Variants in PIP5K1A observed in about 807,000 individuals in gnomAD.
The protein encoded by PIP5K1A is phosphatidylinositol 4-phosphate 5-kinase type-1 alpha.
A neutral mutation model predicts 72.9 loss-of-function variants in PIP5K1A; 46 were observed. The ratio of observed to expected loss-of-function variants is 0.63; its 90% CI spans 0.50 to 0.81. The LOEUF is 0.81. Among genes scored for constraint, PIP5K1A ranks in the 30% least tolerant of loss-of-function variants. The pLI is 0.00. For missense variants in PIP5K1A, 458 were observed against 706.1 expected, an observed-to-expected ratio of 0.65 and a Z score of 3.98; for synonymous variants, 228 against 255.1, an observed-to-expected ratio of 0.89 and a Z score of 1.01.
At chr1:151,234,984 C>G (rs1344932908) in intron 8 of PIP5K1A, among the ~76,000 whole-genome samples, 1 of 152,232 alleles carries the variant, frequency 6.6e-6, no homozygotes, top group African/African-American at 2.4e-5. Flanking sequence ...ACTCTCATCT[C>G]CCTAGCTTTG....
intron 8 of PIP5K1A, among the ~76,000 whole-genome samples, chr1:151,236,058 T>C (rs1570965984): frequency 6.7e-6 from 1 of 148,520 alleles, no homozygotes; most frequent in African/African-American, 2.5e-5. Context: ...GAGTTGGAGG[T>C]TGCAGTGAGC....
At chr1:151,246,350 T>C (rs910892617) in intron 14 of PIP5K1A, among the ~76,000 whole-genome samples, 1 of 152,158 alleles carries the variant, frequency 6.6e-6, no homozygotes, top group Non-Finnish European at 1.5e-5. Flanking sequence ...CAAAAGCTTA[T>C]CTGAGGGAAG....
chr1:151,236,438 T>G (rs1355688114), intron 8 of PIP5K1A, 120 bp from the exon 9 acceptor site: 5 of 656,380 alleles, frequency 7.6e-6, no homozygotes, highest in Non-Finnish European at 1.3e-5. Flanking sequence ...ATCACACCAC[T>G]GCACTCTAGC....
rs968720724 is a variant in PIP5K1A, at chr1:151,249,195, C to T, written c.*1330C>T. On this transcript the variant is annotated 3_prime_UTR_variant, in exon 16 of 16. Coordinates refer to ENST00000368888, the MANE Select transcript of PIP5K1A (RefSeq NM_001135638.2). ...CACCCTGCCTTGATAATATGTTAGC[C>T]CATACCCCAAATAACTGTCTATATT... The T allele has an allele frequency of 6.6e-6, 1 of 152,076 alleles. No homozygotes were observed. The highest frequency in any genetic ancestry group is 1.5e-5 in the Non-Finnish European group (1 of 68,020). The allele number at this position is 152,076 out of a possible 1,614,324, so 9.4% of individuals were successfully genotyped here. A position where few individuals can be genotyped will look rare whatever the true frequency, so the allele number is the denominator to read the frequency against.
intron 1 of PIP5K1A, among the ~76,000 whole-genome samples, chr1:151,210,394 C>T (rs1459375595): frequency 6.6e-6 from 1 of 151,016 alleles, no homozygotes; most frequent in Non-Finnish European, 1.5e-5. Flanking sequence ...CATCATATTG[C>T]TCAGTCGATC....
chr1:151,247,513 C>T lies in PIP5K1A; in HGVS notation c.1687-350C>T, dbSNP rs186975796. Among the ~76,000 whole-genome samples the T allele has an allele frequency of 1.3e-5, 2 of 152,268 alleles. 1 individual carries two copies. The highest frequency in any genetic ancestry group is 1.3e-4 in the Admixed American group (2 of 15,280). ...CGATCTCGGCTCACTGCAAGCTACGCCTCCCAGGTTCACGCCATTCTGCTG... is the reference window on the plus strand; with the variant it reads ...CGATCTCGGCTCACTGCAAGCTACGTCTCCCAGGTTCACGCCATTCTGCTG... On this transcript the variant is annotated intron_variant, in intron 15 of 15. Transcript: ENST00000368888.
At chr1:151,222,656 C>T (rs954821881) in intron 1 of PIP5K1A, among the ~76,000 whole-genome samples, 1 of 152,062 alleles carries the variant, frequency 6.6e-6, no homozygotes, top group African/African-American at 2.4e-5. Context: ...ACCGTTTCCT[C>T]TGGGTAAAAG....
chr1:151,221,884 C>A (rs948974061), intron 1 of PIP5K1A, among the ~76,000 whole-genome samples: 1 of 152,034 alleles, frequency 6.6e-6, no homozygotes, highest in Non-Finnish European at 1.5e-5. Context: ...CCAGCCTGGG[C>A]AACATAGTGA....
intron 1 of PIP5K1A, among the ~76,000 whole-genome samples, chr1:151,206,415 C>T (rs896194894): frequency 1.3e-5 from 2 of 152,094 alleles, no homozygotes; most frequent in African/African-American, 4.8e-5. Context: ...CCAGAATAAG[C>T]TGTCCAAAAA....
chr1:151,220,506 C>T (rs587719081), intron 1 of PIP5K1A, among the ~76,000 whole-genome samples: 10 of 150,100 alleles, frequency 6.7e-5, no homozygotes, highest in South Asian at 4.2e-4. Flanking sequence ...TTCACTCTTT[C>T]GCCCAGGCAG....
intron 14 of PIP5K1A, among the ~76,000 whole-genome samples, chr1:151,242,926 C>T (rs190332704): frequency 2.6e-5 from 4 of 152,294 alleles, no homozygotes; most frequent in African/African-American, 9.6e-5. Context: ...TGGGGGCTTC[C>T]CTCAGTTCTT....
rs34209583 is a variant in PIP5K1A, at chr1:151,204,905, C to T, written c.85+5824C>T. On this transcript the variant is annotated intron_variant, in intron 1 of 15. Coordinates refer to ENST00000368888, the MANE Select transcript of PIP5K1A (RefSeq NM_001135638.2). Reference sequence around the variant, plus strand: ...TTGATAATGTGTACTTACACGTTAGCGTTGAATATCAAAATAGTACGTTTT... The same window carrying T: ...TTGATAATGTGTACTTACACGTTAGTGTTGAATATCAAAATAGTACGTTTT... Among the ~76,000 whole-genome samples the T allele has an allele frequency of 2.5e-3, 381 of 152,254 alleles. 3 individuals are homozygous for T. The highest frequency in any genetic ancestry group is 4.0e-3 in the Non-Finnish European group (273 of 68,002).
At chr1:151,212,503 A>T (rs1373569863) in intron 1 of PIP5K1A, among the ~76,000 whole-genome samples, 1 of 152,236 alleles carries the variant, frequency 6.6e-6, no homozygotes, top group Non-Finnish European at 1.5e-5. Flanking sequence ...CCGAGGATCA[A>T]AATGGAATGC....
chr1:151,216,985 T>C (rs1162259729), intron 1 of PIP5K1A, among the ~76,000 whole-genome samples: 2 of 144,774 alleles, frequency 1.4e-5, no homozygotes, highest in Non-Finnish European at 3.0e-5. Flanking sequence ...TGATCTCAGC[T>C]TACTGCAACC....
chr1:151,211,096 ATC>A (rs1686736197), intron 1 of PIP5K1A, among the ~76,000 whole-genome samples: 1 of 152,212 alleles, frequency 6.6e-6, no homozygotes, highest in Admixed American at 6.5e-5. Flanking sequence ...ATGTCATTGC[ATC>A]TCTGACAGAA....
chr1:151,200,790 A>G (rs1314343904), intron 1 of PIP5K1A, among the ~76,000 whole-genome samples: 1 of 151,814 alleles, frequency 6.6e-6, no homozygotes, highest in Non-Finnish European at 1.5e-5. Context: ...AGCATGAAAT[A>G]GGATAAAGTA....
rs1311768246 is a variant in PIP5K1A, at chr1:151,216,011, T to C, written c.86-8234T>C. 4 of 1,276,458 alleles carry C rather than the reference T, an allele frequency of 3.1e-6. No individual in the cohort carries two copies. The African/African-American group carries it at 6.1e-5, about 20-fold the overall frequency. 79.1% of individuals were successfully genotyped at this position (1,276,458 alleles called of 1,614,324 possible). On this transcript the variant is annotated intron_variant, in intron 1 of 15. Transcript: ENST00000368888. ...TCAGTGGTAAGAGAGGTAGATCTGATGTGTATCTGTGCTAAAGAAGCATGA... is the reference window on the plus strand; with the variant it reads ...TCAGTGGTAAGAGAGGTAGATCTGACGTGTATCTGTGCTAAAGAAGCATGA...
chr1:151,243,206 T>TCGAA, intron 14 of PIP5K1A, among the ~76,000 whole-genome samples: 1 of 152,200 alleles, frequency 6.6e-6, no homozygotes, highest in Non-Finnish European at 1.5e-5. Context: ...TGGTCTCCAG[T>TCGAA]AATTTACATA....
intron 13 of PIP5K1A, 38 bp from the exon 14 acceptor site, chr1:151,242,400 G>A: frequency 6.2e-7 from 1 of 1,612,024 alleles, no homozygotes; most frequent in East Asian, 2.2e-5. Context: ...ATTTTTCCTT[G>A]TATTTACTGT....
Sources: allele counts gnomAD v4.1 joint callset (sites outside exome capture counted in the v4.1 genomes callset), GRCh38; gene constraint gnomAD v4.1.1; transcripts MANE v1.5; gene names NCBI Gene and HGNC (gene_info 2026-07-23, HGNC 2026-07-21).